ADAMTS17: variants seen among roughly 807,000 people sequenced by gnomAD.
ADAMTS17 encodes the protein ADAM metallopeptidase with thrombospondin type 1 motif 17.
A neutral mutation model predicts 141.5 loss-of-function variants in ADAMTS17; 113 were observed. The ratio of observed to expected loss-of-function variants is 0.80; its 90% CI spans 0.69 to 0.93. ADAMTS17 has a LOEUF of 0.93. Ranked by LOEUF, ADAMTS17 falls within the 40% of genes least tolerant of loss-of-function variation. The pLI, the probability that ADAMTS17 is intolerant of heterozygous loss-of-function variation, is 0.00. For synonymous variants in ADAMTS17, 768 were observed against 630.6 expected, an observed-to-expected ratio of 1.22 and a Z score of -3.27; for missense variants, 1,659 against 1,517.9, an observed-to-expected ratio of 1.09 and a Z score of -1.54.
intron 15 of ADAMTS17, among the ~76,000 whole-genome samples, chr15:100,057,895 C>T (rs12592673): frequency 6.6e-6 from 1 of 152,096 alleles, no homozygotes; most frequent in South Asian, 2.1e-4. Flanking sequence ...CCAGCAGTGC[C>T]TGAAGCTGGT....
At chr15:100,123,165 G>A (rs533212341) in intron 12 of ADAMTS17, among the ~76,000 whole-genome samples, 1 of 152,300 alleles carries the variant, frequency 6.6e-6, no homozygotes, top group African/African-American at 2.4e-5. Flanking sequence ...TGCGGGGCCA[G>A]CGAGTGCAGC....
chr15:100,242,304 G>A (rs979111592), intron 7 of ADAMTS17, among the ~76,000 whole-genome samples: 2 of 152,142 alleles, frequency 1.3e-5, no homozygotes, highest in African/African-American at 2.4e-5. Flanking sequence ...ACTCTAAAGC[G>A]GTGATTTTAA....
At chr15:100,318,936 G>C (rs537399604) in intron 3 of ADAMTS17, among the ~76,000 whole-genome samples, 1 of 152,360 alleles carries the variant, frequency 6.6e-6, no homozygotes, top group African/African-American at 2.4e-5. Flanking sequence ...CAGGATACCA[G>C]CGGGACATGG....
chr15:100,236,069 G>A (rs2042644170), intron 7 of ADAMTS17, among the ~76,000 whole-genome samples: 1 of 152,232 alleles, frequency 6.6e-6, no homozygotes, highest in African/African-American at 2.4e-5. Context: ...GACATCCACA[G>A]TCACCAGTGA....
intron 3 of ADAMTS17, among the ~76,000 whole-genome samples, chr15:100,304,350 C>G (rs2045148247): frequency 6.6e-6 from 1 of 152,186 alleles, no homozygotes; most frequent in Non-Finnish European, 1.5e-5. Flanking sequence ...CCCGTTTTGT[C>G]TGTTTGAATG....
chr15:100,206,192 C>T (rs1287981041), intron 7 of ADAMTS17, among the ~76,000 whole-genome samples: 5 of 152,216 alleles, frequency 3.3e-5, no homozygotes, highest in Non-Finnish European at 7.3e-5. Flanking sequence ...TCTGCATGTA[C>T]TCCCTGGCTA....
intron 7 of ADAMTS17, among the ~76,000 whole-genome samples, chr15:100,243,839 A>AAAATG (rs10623776): frequency 0.72 from 107,475 of 148,838 alleles, 38,989 homozygotes; most frequent in East Asian, 0.87. Context: ...GAAACAAAAC[A>AAAATG]AAATGAAAGT....
rs564521642 is a variant in ADAMTS17 at position 100,104,702 on chromosome 15, C to T, written c.2016+4287G>A. Among the ~76,000 whole-genome samples, 22 of 152,274 alleles carry T rather than the reference C, an allele frequency of 1.4e-4. No homozygotes were observed. In the South Asian group the frequency reaches 3.1e-3, roughly 22 times the overall value. On this transcript the variant is annotated intron_variant, in intron 14 of 21. Transcript: ENST00000268070. ...AATGTGGGTGATTTGTATGTTTAAT[C>T]GGTTGTAATTAGACAATTATTATCA...
chr15:100,118,464 T>C (rs1234479962), intron 12 of ADAMTS17, among the ~76,000 whole-genome samples: 5 of 152,178 alleles, frequency 3.3e-5, no homozygotes, highest in African/African-American at 7.2e-5. Flanking sequence ...GGTGGCCCCA[T>C]AGTGGGGCCT....
intron 18 of ADAMTS17, among the ~76,000 whole-genome samples, chr15:100,014,714 G>C (rs1485447632): frequency 6.6e-6 from 1 of 152,102 alleles, no homozygotes; most frequent in East Asian, 1.9e-4. Context: ...TTCTACTGTG[G>C]TCTGAGAGAG....
chr15:100,165,363 A>C (rs1408195940), intron 8 of ADAMTS17, among the ~76,000 whole-genome samples: 4 of 152,198 alleles, frequency 2.6e-5, no homozygotes, highest in Non-Finnish European at 1.5e-5. Context: ...ATCAGCACAT[A>C]GGACAGAGGA....
chr15:100,183,914 A>G lies in ADAMTS17; in HGVS notation c.1181+15404T>C, dbSNP rs116014828. ...GGCTCCTCTTCAGTCGCTGCTGGTG[A>G]TATCTGTGGGGGTGAAAGGCACTTC... On this transcript the variant is annotated intron_variant, in intron 8 of 21. Coordinates refer to ENST00000268070, the MANE Select transcript of ADAMTS17 (RefSeq NM_139057.4). 6.1e-3 allele frequency among the ~76,000 whole-genome samples: 932 copies of G among 152,086 alleles called. 13 individuals are homozygous for G. The highest frequency in any genetic ancestry group is 0.021 in the African/African-American group (871 of 41,458).
At chr15:100,250,825 G>A (rs1029918795) in intron 7 of ADAMTS17, among the ~76,000 whole-genome samples, 5 of 152,160 alleles carry the variant, frequency 3.3e-5, no homozygotes, top group African/African-American at 1.2e-4. Flanking sequence ...ACAAAGCTGG[G>A]TGATAGGTAC....
intron 15 of ADAMTS17, among the ~76,000 whole-genome samples, chr15:100,083,334 C>G (rs1425001937): frequency 6.6e-6 from 1 of 152,190 alleles, no homozygotes. Flanking sequence ...TGTTAAGCCA[C>G]TGAGATCTAG....
In ADAMTS17 at chr15:100,263,735, A is replaced by C. The variant is rs926727980; in HGVS notation, c.790-1300T>G. Among the ~76,000 whole-genome samples, 83 of 152,246 alleles carry C rather than the reference A, an allele frequency of 5.5e-4. 1 individual carries two copies. The highest frequency in any genetic ancestry group is 2.4e-4 in the Non-Finnish European group (16 of 68,038). Reference sequence around the variant, plus strand: ...GGCAGATGGAAGGTTGGAGGGAACAAGAATGAGAATCTTTTAAATATTCTA... The same window carrying C: ...GGCAGATGGAAGGTTGGAGGGAACACGAATGAGAATCTTTTAAATATTCTA... On this transcript the variant is annotated intron_variant, in intron 4 of 21. Transcript: ENST00000268070.
rs566100476 is a variant in ADAMTS17, at chr15:99,984,381, C to G, written c.2950-8159G>C. Among the ~76,000 whole-genome samples, 12 of 152,334 alleles carry G rather than the reference C, an allele frequency of 7.9e-5. No individual in the cohort carries two copies. The South Asian group carries it at 2.5e-3, about 32-fold the overall frequency. ...AGACAGCTGCCCCACGCCATGCCGC[C>G]ATCACGTGTGGGTACCCAACCACGG... On this transcript the variant is annotated intron_variant, in intron 20 of 21. Coordinates refer to ENST00000268070, the MANE Select transcript of ADAMTS17 (RefSeq NM_139057.4).
At chr15:100,201,139 G>A (rs912742473) in intron 7 of ADAMTS17, among the ~76,000 whole-genome samples, 5 of 152,182 alleles carry the variant, frequency 3.3e-5, no homozygotes, top group Non-Finnish European at 7.4e-5. Flanking sequence ...CATACACAGG[G>A]TGGTCCCTCT....
At chr15:100,177,760 G>A (rs971672014) in intron 8 of ADAMTS17, among the ~76,000 whole-genome samples, 1 of 152,102 alleles carries the variant, frequency 6.6e-6, no homozygotes, top group Non-Finnish European at 1.5e-5. Context: ...TAAAATTGTG[G>A]ATTCATCTAG....
chr15:100,229,393 T>C (rs186117199), intron 7 of ADAMTS17, among the ~76,000 whole-genome samples: 21 of 152,184 alleles, frequency 1.4e-4, no homozygotes, highest in African/African-American at 5.1e-4. Context: ...TGCCTTCCCT[T>C]GCAAATTCCT....
Sources: allele counts gnomAD v4.1 joint callset (sites outside exome capture counted in the v4.1 genomes callset), GRCh38; gene constraint gnomAD v4.1.1; transcripts MANE v1.5; gene names NCBI Gene and HGNC (gene_info 2026-07-23, HGNC 2026-07-21).